The following BTD variants were observed in gnomAD, a reference collection of about 807,000 sequenced individuals.
BTD encodes the protein biotinidase, also known as biocytinase.
In BTD, 13 loss-of-function variants were observed where a neutral mutation model predicts 17.7. The observed-to-expected ratio is 0.74, with a 90% CI of 0.48 to 1.17. The LOEUF (loss-of-function observed/expected upper bound fraction) is 1.17. Ranked by LOEUF, BTD falls within the 50% of genes most tolerant of loss-of-function variation. The probability of loss-of-function intolerance (pLI) is 0.00; values close to 1 mark genes in which losing one functional copy is unlikely to be tolerated. For missense variants in BTD, 674 were observed against 650.4 expected (o/e 1.04, Z -0.39); for synonymous variants, 240 against 245.2 (o/e 0.98, Z 0.20).
intron 3 of BTD, among the ~76,000 whole-genome samples, chr3:15,704,219 A>C (rs956209847): frequency 2.0e-5 from 3 of 152,116 alleles, no homozygotes; most frequent in Non-Finnish European, 4.4e-5. Flanking sequence ...AAGACACTTC[A>C]GAGGACTTGC....
At chr3:15,705,041 A>T (rs574688803) in intron 3 of BTD, among the ~76,000 whole-genome samples, 82 of 152,242 alleles carry the variant, frequency 5.4e-4, no homozygotes, top group Non-Finnish European at 9.6e-4. Flanking sequence ...ACTTGCTCAT[A>T]CTCAAATGGG....
intron 4 of BTD, among the ~76,000 whole-genome samples, chr3:15,719,728 T>G (rs1189144579): frequency 1.3e-5 from 2 of 152,048 alleles, no homozygotes; most frequent in African/African-American, 4.8e-5. Context: ...TTTTAATTTT[T>G]TTTTTGGTAG....
intron 3 of BTD, among the ~76,000 whole-genome samples, chr3:15,698,135 G>T (rs147424575): frequency 1.3e-5 from 2 of 151,586 alleles, no homozygotes; most frequent in South Asian, 4.2e-4. Flanking sequence ...TCTTGCTAGC[G>T]GTCTGTCTGA....
chr3:15,643,964 TATTTA>T (rs1452271230), intron 3 of BTD, among the ~76,000 whole-genome samples: 4 of 106,294 alleles, frequency 3.8e-5, no homozygotes, highest in African/African-American at 1.2e-4. Context: ...AAAACTCATT[TATTTA>T]ATTTATTTAT....
rs113903064 is a variant in BTD, at chr3:15,721,848, G to A, written c.1094G>A (p.Ter365=). ...AAACCTCTGCCTCCTAGGCTCAAGT[G>A]ATTCTCCTGCCTCAGCCTCCTGAGT... is the stretch of plus-strand genomic sequence containing the variant. The change falls in exon 5 of 5, where the codon TGA becomes TAA. Residue 365 remains the stop codon, a stop_retained_variant. Transcript: ENST00000672427. 9.3e-3 allele frequency among the ~76,000 whole-genome samples: 1,416 copies of A among 152,186 alleles called. 23 individuals are homozygous for A. The highest frequency in any genetic ancestry group is 0.032 in the African/African-American group (1,330 of 41,520).
At chr3:15,714,488 T>G, downstream of BTD, 4 of 902,982 alleles carry the variant, frequency 4.4e-6, no homozygotes, top group Non-Finnish European at 6.5e-6. Flanking sequence ...GCGATGACAA[T>G]TCCTCAATAC....
chr3:15,632,011 G>A (rs1295901724), intron 1 of BTD, among the ~76,000 whole-genome samples: 1 of 152,070 alleles, frequency 6.6e-6, no homozygotes, highest in Non-Finnish European at 1.5e-5. Context: ...CTTGGCTCCA[G>A]CCCCCTGCTG....
chr3:15,674,196 A>AAAAAAAAAAAAAAAAG lies in BTD; in HGVS notation c.399+32141_399+32142insAAAAAAAAAAAAAGAA, dbSNP rs1470515364. ...CTTCAAAAAAAAAAAAAAAAAAAAA[A>AAAAAAAAAAAAAAAAG]AAGAAGAAGAACCGAAATTCAAGAG... On this transcript the variant is annotated intron_variant, in intron 3 of 3. Transcript: ENST00000672141. Among the ~76,000 whole-genome samples the AAAAAAAAAAAAAAAAG allele has an allele frequency of 1.7e-4, 22 of 130,156 alleles. 1 individual carries two copies. Among genetic ancestry groups the AAAAAAAAAAAAAAAAG allele is most frequent in the East Asian group, 1.4e-3 (4 of 2,942 alleles). 85.4% of individuals were successfully genotyped at this position (130,156 alleles called of 152,430 possible).
intron 3 of BTD, among the ~76,000 whole-genome samples, chr3:15,643,041 A>AT (rs376650096): frequency 0.14 from 18,284 of 134,740 alleles, 1,320 homozygotes; most frequent in East Asian, 0.24. Flanking sequence ...AAAAAAAAAA[A>AT]AAATAAAATA....
rs538280638 is a variant in BTD, at chr3:15,648,686, T to C, written c.*3198T>C. On this transcript the variant is annotated 3_prime_UTR_variant, in exon 4 of 4. Transcript: ENST00000643237. Reference sequence around the variant, plus strand: ...TGCGTCTTCCCCAAAAAAGATACGTTGTAGTCCTAACCCCCAATAGCTCAG... The same window carrying C: ...TGCGTCTTCCCCAAAAAAGATACGTCGTAGTCCTAACCCCCAATAGCTCAG... Among the ~76,000 whole-genome samples the C allele has an allele frequency of 1.3e-5, 2 of 152,346 alleles. No homozygotes were observed. Among genetic ancestry groups the C allele is most frequent in the South Asian group, 4.1e-4 (2 of 4,826 alleles).
exon 4 of BTD, among the ~76,000 whole-genome samples, chr3:15,711,947 C>T (rs188796095): frequency 6.6e-6 from 1 of 151,944 alleles, no homozygotes; most frequent in East Asian, 1.9e-4. Flanking sequence ...CTGCCTGTCT[C>T]GGCCTCCCAA....
chr3:15,601,861 C>T lies in BTD; in HGVS notation c.-50C>T. 6.2e-7 allele frequency: 1 copy of T among 1,614,170 alleles called. No homozygotes were observed. Among genetic ancestry groups the T allele is most frequent in the South Asian group, 1.1e-5 (1 of 91,078 alleles). ...GGCTGTAAAGGGAGAATGGCGCATG[C>T]GCATATTCAGGGCGGAAGGCGCGCT... On this transcript the variant is annotated 5_prime_UTR_variant, in exon 1 of 4. Coordinates refer to ENST00000643237, the MANE Select transcript of BTD (RefSeq NM_001370658.1).
chr3:15,715,039 T>C (rs1303141507), downstream of BTD, among the ~76,000 whole-genome samples: 2 of 152,052 alleles, frequency 1.3e-5, no homozygotes, highest in Non-Finnish European at 2.9e-5. Context: ...TGTGGATACA[T>C]TTAAAAAAAT....
intron 1 of BTD, among the ~76,000 whole-genome samples, chr3:15,616,871 C>G (rs2064807065): frequency 6.6e-6 from 1 of 151,880 alleles, no homozygotes; most frequent in South Asian, 2.1e-4. Context: ...CTCACTCTGT[C>G]ACCCAGGCTG....
chr3:15,678,324 G>A, intron 3 of BTD: 1 of 1,609,900 alleles, frequency 6.2e-7, no homozygotes, highest in Non-Finnish European at 8.5e-7. Flanking sequence ...ACTCTACATG[G>A]TCTGTGAAGG....
At chr3:15,668,006 A>C (rs2066071360) in intron 3 of BTD, 1 of 152,232 alleles carries the variant, frequency 6.6e-6, no homozygotes, top group Non-Finnish European at 1.5e-5. Flanking sequence ...AATGTGCGAG[A>C]TTCATCCTTC....
At chr3:15,717,129 T>C (rs190545064), downstream of BTD, among the ~76,000 whole-genome samples, 3 of 152,078 alleles carry the variant, frequency 2.0e-5, no homozygotes, top group Admixed American at 1.3e-4. Context: ...AAGTGATGAG[T>C]CCTTTATTTA....
At chr3:15,624,894 G>A (rs1024682315) in intron 1 of BTD, among the ~76,000 whole-genome samples, 4 of 152,028 alleles carry the variant, frequency 2.6e-5, no homozygotes, top group Admixed American at 6.5e-5. Flanking sequence ...CACCAAGCCT[G>A]GCCAATTTTT....
exon 4 of BTD, among the ~76,000 whole-genome samples, chr3:15,712,612 A>C (rs1356280829): frequency 6.6e-6 from 1 of 152,202 alleles, no homozygotes; most frequent in African/African-American, 2.4e-5. Flanking sequence ...AGCAAAATTC[A>C]CTACCCTGTC....
Sources: allele counts gnomAD v4.1 joint callset (sites outside exome capture counted in the v4.1 genomes callset), GRCh38; gene constraint gnomAD v4.1.1; transcripts MANE v1.5; gene names NCBI Gene and HGNC (gene_info 2026-07-23, HGNC 2026-07-21).